INPP4B: variants seen among roughly 807,000 people sequenced by gnomAD.
The protein encoded by INPP4B is inositol polyphosphate 4-phosphatase type II.
In INPP4B, 55 loss-of-function variants were observed where a neutral mutation model predicts 122.5. That is an observed-to-expected ratio of 0.45 (90% CI 0.36 to 0.56). The LOEUF (loss-of-function observed/expected upper bound fraction) is 0.56, where lower values mean the gene tolerates loss of function less well. Ranked by LOEUF, INPP4B falls within the 20% of genes least tolerant of loss-of-function variation. INPP4B has a pLI of 0.00. For synonymous variants in INPP4B, 403 were observed against 388.7 expected, an observed-to-expected ratio of 1.04 and a Z score of -0.43; for missense variants, 1,000 against 1,097.7, an observed-to-expected ratio of 0.91 and a Z score of 1.26.
rs539374618 is a variant in INPP4B at position 142,577,212 on chromosome 4, T to G, written c.-190-114486A>C. 5.9e-5 allele frequency among the ~76,000 whole-genome samples: 9 copies of G among 152,108 alleles called. No individual in the cohort carries two copies. In the South Asian group the frequency reaches 6.2e-4, roughly 11 times the overall value. Reference sequence around the variant, plus strand: ...ATGATCAACATATTGTTCACCATTTTCTTAAACCTAGATAATCAAGAAAAC... The same window carrying G: ...ATGATCAACATATTGTTCACCATTTGCTTAAACCTAGATAATCAAGAAAAC... On this transcript the variant is annotated intron_variant, in intron 2 of 25. Transcript: ENST00000262992.
rs7678083 is a variant in INPP4B, at chr4:142,586,875, A to T, written c.-190-124149T>A. Among the ~76,000 whole-genome samples, 1,307 of 152,284 alleles carry T rather than the reference A, an allele frequency of 8.6e-3. 15 individuals are homozygous for T. Among genetic ancestry groups the T allele is most frequent in the African/African-American group, 0.028 (1,150 of 41,568 alleles). On this transcript the variant is annotated intron_variant, in intron 2 of 25. Transcript: ENST00000262992. ...AAAGAGGCAAGTGAGTGTTACAAGT[A>T]AAGAAATAGCATGTACAAAAGCCTG...
At chr4:142,673,754 C>A (rs944551416) in intron 2 of INPP4B, among the ~76,000 whole-genome samples, 2 of 152,116 alleles carry the variant, frequency 1.3e-5, no homozygotes, top group Non-Finnish European at 2.9e-5. Flanking sequence ...TTGCTGCAGG[C>A]ACAGAACTGA....
At chr4:142,637,504 C>G (rs1749432299) in intron 2 of INPP4B, among the ~76,000 whole-genome samples, 1 of 152,080 alleles carries the variant, frequency 6.6e-6, no homozygotes, top group Non-Finnish European at 1.5e-5. Context: ...TGAATTTCTT[C>G]CATGTATTGT....
intron 2 of INPP4B, among the ~76,000 whole-genome samples, chr4:142,467,577 T>G (rs562264029): frequency 6.6e-6 from 1 of 152,190 alleles, no homozygotes; most frequent in South Asian, 2.1e-4. Context: ...CACAGGTTCA[T>G]AGATGGAAGG....
intron 2 of INPP4B, among the ~76,000 whole-genome samples, chr4:142,634,883 AG>A (rs60863391): frequency 0.034 from 5,215 of 152,238 alleles, 305 homozygotes; most frequent in African/African-American, 0.12. Context: ...ATTATTTGCC[AG>A]GAATATGGTT....
chr4:142,529,326 T>C (rs897692804), intron 2 of INPP4B, among the ~76,000 whole-genome samples: 1 of 152,078 alleles, frequency 6.6e-6, no homozygotes, highest in Admixed American at 6.6e-5. Context: ...GATATTAAAA[T>C]ACTTTTTTAT....
intron 1 of INPP4B, among the ~76,000 whole-genome samples, chr4:142,790,256 C>T (rs1418365868): frequency 6.6e-6 from 1 of 151,842 alleles, no homozygotes; most frequent in East Asian, 1.9e-4. Context: ...TAAAAAGGAA[C>T]CGTCAGCAGA....
Position 142,208,050 on chromosome 4 carries a change from C to G in INPP4B, c.1072+375G>C, listed in dbSNP as rs564355087. ...CAAAAAAAAACCTGGCATATTAGTC[C>G]ACTTTGGGGCTTTGGTTTCTCAAGA... On this transcript the variant is annotated intron_variant, in intron 14 of 25. Transcript: ENST00000262992. 8.6e-5 allele frequency among the ~76,000 whole-genome samples: 13 copies of G among 151,870 alleles called. No individual in the cohort carries two copies. In the East Asian group the frequency reaches 1.2e-3, roughly 14 times the overall value.
intron 11 of INPP4B, among the ~76,000 whole-genome samples, chr4:142,240,206 T>TC (rs2150007566): frequency 6.6e-6 from 1 of 151,952 alleles, no homozygotes; most frequent in Non-Finnish European, 1.5e-5. Flanking sequence ...TTTTTTCTTT[T>TC]CTTTTTTTGT....
intron 1 of INPP4B, among the ~76,000 whole-genome samples, chr4:142,726,245 C>A (rs897260437): frequency 6.6e-6 from 1 of 152,158 alleles, no homozygotes; most frequent in Non-Finnish European, 1.5e-5. Context: ...TAAGCAATGT[C>A]AGGACAGAAC....
intron 1 of INPP4B, among the ~76,000 whole-genome samples, chr4:142,732,356 T>G (rs1166207381): frequency 3.3e-5 from 5 of 151,954 alleles, no homozygotes; most frequent in Non-Finnish European, 7.4e-5. Context: ...AAAATAAAAA[T>G]TCCAATTTTA....
intron 1 of INPP4B, among the ~76,000 whole-genome samples, chr4:142,730,575 T>C (rs918197751): frequency 3.9e-5 from 6 of 152,242 alleles, no homozygotes; most frequent in African/African-American, 9.6e-5. Flanking sequence ...AAAGCTTTAA[T>C]GACAACTTCT....
rs530543752 is a variant in INPP4B, at chr4:142,317,944, G to C, written c.373-3182C>G. 2.0e-5 allele frequency among the ~76,000 whole-genome samples: 3 copies of C among 152,284 alleles called. No homozygotes were observed. In the South Asian group the frequency reaches 6.2e-4, roughly 32 times the overall value. On this transcript the variant is annotated intron_variant, in intron 7 of 25. Coordinates refer to ENST00000262992, the MANE Select transcript of INPP4B (RefSeq NM_001101669.3). ...GGGCTGTCTCCCATGTTATAGAAGT[G>C]GAGTTTTATTCCACTGAAGTATGCC...
At chr4:142,122,432 T>C (rs965813448) in intron 20 of INPP4B, among the ~76,000 whole-genome samples, 187 bp from the exon 21 acceptor site, 13 of 152,190 alleles carry the variant, frequency 8.5e-5, no homozygotes, top group Admixed American at 2.0e-4. Context: ...ACCATTTCAA[T>C]GGACTTCAGA....
chr4:142,672,691 C>T (rs1449062184), intron 2 of INPP4B, among the ~76,000 whole-genome samples: 6 of 152,020 alleles, frequency 3.9e-5, no homozygotes, highest in Non-Finnish European at 7.4e-5. Flanking sequence ...ATTTTCTTCC[C>T]ACCTTTTAAT....
At chr4:142,662,106 G>A (rs1004394744) in intron 2 of INPP4B, among the ~76,000 whole-genome samples, 3 of 152,080 alleles carry the variant, frequency 2.0e-5, no homozygotes, top group Non-Finnish European at 4.4e-5. Context: ...GTGGTGGCAG[G>A]CACCTGTAGT....
At chr4:142,822,616 C>T (rs1294208547) in intron 1 of INPP4B, among the ~76,000 whole-genome samples, 7 of 152,280 alleles carry the variant, frequency 4.6e-5, no homozygotes, top group African/African-American at 1.7e-4. Context: ...AAACCATCTA[C>T]ACCACCCCGA....
chr4:142,205,783 T>A lies in INPP4B; in HGVS notation c.1072+2642A>T, dbSNP rs1473856786. ...CATAAAAGGCTTTTCATTTTGCCTATTAGAATAACATTATGTTGATTGTCA... is the reference window on the plus strand; with the variant it reads ...CATAAAAGGCTTTTCATTTTGCCTAATAGAATAACATTATGTTGATTGTCA... On this transcript the variant is annotated intron_variant, in intron 14 of 25. Coordinates refer to ENST00000262992, the MANE Select transcript of INPP4B (RefSeq NM_001101669.3). Among the ~76,000 whole-genome samples the A allele has an allele frequency of 1.3e-5, 2 of 152,162 alleles. 1 individual carries two copies. Among genetic ancestry groups the A allele is most frequent in the South Asian group, 4.1e-4 (2 of 4,832 alleles).
At chr4:142,442,429 A>AAAG (rs1554055575) in intron 3 of INPP4B, among the ~76,000 whole-genome samples, 3 of 150,808 alleles carry the variant, frequency 2.0e-5, no homozygotes, top group African/African-American at 4.9e-5. Flanking sequence ...AAAAAAAAAA[A>AAAG]AGAGAGAGAA....
Sources: allele counts gnomAD v4.1 joint callset (sites outside exome capture counted in the v4.1 genomes callset), GRCh38; gene constraint gnomAD v4.1.1; transcripts MANE v1.5; gene names NCBI Gene and HGNC (gene_info 2026-07-23, HGNC 2026-07-21).